The following TOX2 variants were observed in gnomAD, a reference collection of about 807,000 sequenced individuals.
The protein encoded by TOX2 is TOX high mobility group box family member 2.
In TOX2, 15 loss-of-function variants were observed where a neutral mutation model predicts 47.4. That is an observed-to-expected ratio of 0.32 (90% CI 0.21 to 0.49). The LOEUF is 0.49. Among genes scored for constraint, TOX2 ranks in the 20% least tolerant of loss-of-function variants. The probability of loss-of-function intolerance (pLI) is 0.99; values close to 1 mark genes in which losing one functional copy is unlikely to be tolerated. For missense variants in TOX2, 622 were observed against 673.1 expected (o/e 0.92, Z 0.84); for synonymous variants, 290 against 296.6 (o/e 0.98, Z 0.23).
chr20:43,991,912 G>T (rs987347614), intron 2 of TOX2, among the ~76,000 whole-genome samples: 2 of 152,150 alleles, frequency 1.3e-5, no homozygotes, highest in Non-Finnish European at 2.9e-5. Context: ...TAGGATTACA[G>T]ACGTGAGCCA....
intron 3 of TOX2, among the ~76,000 whole-genome samples, chr20:44,035,800 C>G (rs989829732): frequency 1.8e-4 from 28 of 152,282 alleles, no homozygotes; most frequent in African/African-American, 6.3e-4. Flanking sequence ...GAAACAGACT[C>G]CGAGATGGAG....
chr20:44,016,661 G>A (rs1333704539), intron 3 of TOX2, among the ~76,000 whole-genome samples: 1 of 152,046 alleles, frequency 6.6e-6, no homozygotes. Flanking sequence ...ACATCCCCTG[G>A]GAGCAAAATC....
At chr20:44,000,425 A>G (rs189771591) in intron 2 of TOX2, among the ~76,000 whole-genome samples, 34 of 152,310 alleles carry the variant, frequency 2.2e-4, no homozygotes, top group Non-Finnish European at 4.7e-4. Context: ...TTCTGGCCTG[A>G]GCAACCAGAA....
intron 1 of TOX2, among the ~76,000 whole-genome samples, chr20:43,961,258 G>A (rs1339859427): frequency 6.6e-6 from 1 of 152,188 alleles, no homozygotes; most frequent in Non-Finnish European, 1.5e-5. Flanking sequence ...AGACACAGCT[G>A]CTGCAGAGGT....
intron 1 of TOX2, among the ~76,000 whole-genome samples, chr20:43,944,701 G>C (rs1418056304): frequency 6.6e-6 from 1 of 152,236 alleles, no homozygotes; most frequent in Non-Finnish European, 1.5e-5. Flanking sequence ...TTCCTGCTTA[G>C]TCTGGATCCT....
intron 2 of TOX2, among the ~76,000 whole-genome samples, chr20:44,000,624 A>T (rs2070561316): frequency 6.6e-6 from 1 of 152,106 alleles, no homozygotes; most frequent in Non-Finnish European, 1.5e-5. Context: ...CAGCATACAG[A>T]TGGTCCATAA....
At chr20:44,008,847 T>C (rs751753706) in intron 3 of TOX2, among the ~76,000 whole-genome samples, 3 of 152,192 alleles carry the variant, frequency 2.0e-5, no homozygotes, top group Non-Finnish European at 2.9e-5. Flanking sequence ...TCAGGCATGG[T>C]TCAATCCAGG....
chr20:44,053,546 ATATACATATATACTATAT>A (rs2071561220), intron 4 of TOX2, among the ~76,000 whole-genome samples: 1 of 143,584 alleles, frequency 7.0e-6, no homozygotes, highest in South Asian at 2.2e-4. Context: ...TATACTATAT[ATATACATATATACTATAT>A]ATACACACAC....
At chr20:44,039,835 C>T (rs1467460925) in intron 3 of TOX2, among the ~76,000 whole-genome samples, 1 of 152,134 alleles carries the variant, frequency 6.6e-6, no homozygotes, top group Non-Finnish European at 1.5e-5. Context: ...TTCCTGGGGC[C>T]CCAGTTGGTC....
intron 3 of TOX2, among the ~76,000 whole-genome samples, chr20:44,011,272 C>T (rs1472550593): frequency 6.6e-6 from 1 of 152,168 alleles, no homozygotes; most frequent in Non-Finnish European, 1.5e-5. Flanking sequence ...CACAGTGATC[C>T]TCAGCTGTGC....
In TOX2 at chr20:44,007,235, TAA is replaced by T. The variant is rs199573957; in HGVS notation, c.411+445_411+446del. 842 of 176,000 alleles carry T rather than the reference TAA, an allele frequency of 4.8e-3. 4 individuals carry two copies. The highest frequency in any genetic ancestry group is 0.042 in the Middle Eastern group (16 of 382). The allele number at this position is 176,000 out of a possible 1,614,324, so 10.9% of individuals were successfully genotyped here. ...GATTTTAGAACATTTCATCACCCCA[TAA>T]AGAAACACTAGCTAGGCACAGTGTT... On this transcript the variant is annotated intron_variant, in intron 3 of 8. Coordinates refer to ENST00000341197, the MANE Select transcript of TOX2 (RefSeq NM_001098797.2).
intron 3 of TOX2, among the ~76,000 whole-genome samples, chr20:44,028,856 G>A: frequency 6.6e-6 from 1 of 152,178 alleles, no homozygotes; most frequent in East Asian, 1.9e-4. Flanking sequence ...CTGTGACCAA[G>A]GGCAGCCAGT....
intron 3 of TOX2, among the ~76,000 whole-genome samples, chr20:44,031,050 C>A (rs577003147): frequency 6.6e-6 from 1 of 152,072 alleles, no homozygotes; most frequent in Non-Finnish European, 1.5e-5. Flanking sequence ...AGGTTCACTG[C>A]TGAGTTATGG....
At chr20:43,951,491 C>T (rs566320611) in intron 1 of TOX2, among the ~76,000 whole-genome samples, 4 of 152,088 alleles carry the variant, frequency 2.6e-5, no homozygotes, top group East Asian at 1.9e-4. Flanking sequence ...GCAGGAGAAT[C>T]ACTCGAACCC....
rs1399131896 is a variant in TOX2, at chr20:44,045,089, T to A, written c.412-6217T>A. Among the ~76,000 whole-genome samples the A allele has an allele frequency of 4.0e-5, 6 of 151,798 alleles. No homozygotes were observed. The South Asian group carries it at 1.2e-3, about 32-fold the overall frequency. On this transcript the variant is annotated intron_variant, in intron 3 of 8. Coordinates refer to ENST00000341197, the MANE Select transcript of TOX2 (RefSeq NM_001098797.2). ...GTTCTAGAGACAGAAAGTAGAAGAG[T>A]GGTTTCCAGGGCTGGGGGAAGAGAG...
chr20:43,919,885 G>GGTGTAT (rs1405514519), intron 1 of TOX2, among the ~76,000 whole-genome samples: 2 of 152,222 alleles, frequency 1.3e-5, no homozygotes, highest in Non-Finnish European at 2.9e-5. Flanking sequence ...AGTATTCCAT[G>GGTGTAT]GTGTATGTGT....
At chr20:43,918,256 G>A (rs1322602204) in intron 1 of TOX2, among the ~76,000 whole-genome samples, 2 of 152,082 alleles carry the variant, frequency 1.3e-5, no homozygotes, top group Admixed American at 1.3e-4. Context: ...GGCAAGCCTG[G>A]GTTCAAATGT....
intron 1 of TOX2, among the ~76,000 whole-genome samples, chr20:43,949,694 C>T (rs370587607): frequency 6.6e-6 from 1 of 152,174 alleles, no homozygotes; most frequent in Non-Finnish European, 1.5e-5. Flanking sequence ...TGTTTATTCT[C>T]GCAGGTGTGG....
intron 3 of TOX2, among the ~76,000 whole-genome samples, chr20:44,042,870 T>C (rs1036721849): frequency 6.6e-6 from 1 of 152,126 alleles, no homozygotes; most frequent in African/African-American, 2.4e-5. Flanking sequence ...GTGAAAGACA[T>C]AGGATTCATT....
Sources: gnomAD v4.1 joint callset for allele counts (sites outside exome capture counted in the v4.1 genomes callset) on GRCh38, gnomAD v4.1.1 for gene constraint, MANE v1.5 for transcripts, NCBI Gene and HGNC (gene_info 2026-07-23, HGNC 2026-07-21) for gene names.